The following MAD1L1 variants were observed in gnomAD, a reference collection of about 807,000 sequenced individuals.
The protein encoded by MAD1L1 is mitotic arrest deficient 1 like 1.
In MAD1L1, 95 loss-of-function variants were observed where a neutral mutation model predicts 96.9. That is an observed-to-expected ratio of 0.98 (90% CI 0.83 to 1.16). The LOEUF (loss-of-function observed/expected upper bound fraction) is 1.16, where lower values mean the gene tolerates loss of function less well. MAD1L1 is among the 50% of genes most tolerant of loss of function. The pLI, the probability that MAD1L1 is intolerant of heterozygous loss-of-function variation, is 0.00. For missense variants in MAD1L1, 1,007 were observed against 954.4 expected (o/e 1.06, Z -0.73); for synonymous variants, 473 against 396.6 (o/e 1.19, Z -2.29).
chr7:2,086,704 A>G (rs1785937430), intron 11 of MAD1L1, among the ~76,000 whole-genome samples: 1 of 152,152 alleles, frequency 6.6e-6, no homozygotes, highest in African/African-American at 2.4e-5. Context: ...GTTGCCTGCC[A>G]CCACACCCAG....
At chr7:1,830,504 T>C (rs1040744078) in intron 18 of MAD1L1, among the ~76,000 whole-genome samples, 6 of 152,254 alleles carry the variant, frequency 3.9e-5, no homozygotes, top group Non-Finnish European at 8.8e-5. Context: ...GGCAGACATA[T>C]ACAACATTTA....
At chr7:2,231,238 C>A (rs1012035459) in intron 1 of MAD1L1, among the ~76,000 whole-genome samples, 5 of 152,062 alleles carry the variant, frequency 3.3e-5, no homozygotes, top group African/African-American at 4.8e-5. Flanking sequence ...GCAGAGGTTG[C>A]AGTGACCTGA....
chr7:2,091,725 G>A (rs1463901703), intron 11 of MAD1L1, among the ~76,000 whole-genome samples: 3 of 150,528 alleles, frequency 2.0e-5, no homozygotes, highest in African/African-American at 7.3e-5. Flanking sequence ...GCAGTGAGCA[G>A]AGATCACGCC....
intron 10 of MAD1L1, among the ~76,000 whole-genome samples, chr7:2,178,864 T>G (rs1041648500): frequency 6.6e-6 from 1 of 151,090 alleles, no homozygotes; most frequent in African/African-American, 2.4e-5. Context: ...ATCACTGCAC[T>G]TCAGCCTAGG....
At position 1,978,637 on chromosome 7, in the gene MAD1L1, C is replaced by T. The variant is rs577086151; in HGVS notation, c.1505+1816G>A. On this transcript the variant is annotated intron_variant, in intron 15 of 18. Coordinates refer to ENST00000265854, the MANE Select transcript of MAD1L1 (RefSeq NM_001013836.2). ...CCACACCCACACTCACACACAGCCC[C>T]CAACCCCATCAACCCGAAGACCACA... 3.0e-4 allele frequency among the ~76,000 whole-genome samples: 46 copies of T among 152,302 alleles called. No homozygotes were observed. The South Asian group carries it at 9.5e-3, about 32-fold the overall frequency.
intron 11 of MAD1L1, among the ~76,000 whole-genome samples, chr7:2,097,408 G>A (rs1363028310): frequency 2.0e-5 from 3 of 152,138 alleles, no homozygotes; most frequent in African/African-American, 4.8e-5. Context: ...GGCCAGAGCC[G>A]GGACACCTGG....
intron 12 of MAD1L1, among the ~76,000 whole-genome samples, chr7:2,021,686 A>C (rs67408806): frequency 0.19 from 28,935 of 151,840 alleles, 5,457 homozygotes; most frequent in African/African-American, 0.48. Context: ...AATCGCTTGA[A>C]CCCAGGAAGT....
rs190698508 is a variant in MAD1L1 at position 2,039,646 on chromosome 7, T to G, written c.1219-25004A>C. Among the ~76,000 whole-genome samples the G allele has an allele frequency of 5.3e-4, 80 of 152,324 alleles. No homozygotes were observed. In the East Asian group the frequency reaches 0.013, roughly 24 times the overall value. On this transcript the variant is annotated intron_variant, in intron 12 of 18. Coordinates refer to ENST00000265854, the MANE Select transcript of MAD1L1 (RefSeq NM_001013836.2). ...CACGGGCTTAACTGTCATCTGTATA[T>G]GTTATTTGGTAAAAAGGTCTGTCTA...
At chr7:1,887,099 G>T (rs894170008) in intron 18 of MAD1L1, among the ~76,000 whole-genome samples, 2 of 152,256 alleles carry the variant, frequency 1.3e-5, no homozygotes, top group African/African-American at 4.8e-5. Context: ...CTCAGGCTAG[G>T]GGGGCTCCGG....
chr7:2,121,597 T>C (rs1295669495), intron 11 of MAD1L1, among the ~76,000 whole-genome samples: 1 of 152,122 alleles, frequency 6.6e-6, no homozygotes, highest in African/African-American at 2.4e-5. Flanking sequence ...GGGGCAGGAC[T>C]ATGCTGCAGA....
At chr7:1,960,246 AAAAG>A (rs1410940521) in intron 15 of MAD1L1, among the ~76,000 whole-genome samples, 3 of 144,310 alleles carry the variant, frequency 2.1e-5, no homozygotes, top group Non-Finnish European at 4.5e-5. Context: ...AAAAAAGGTA[AAAAG>A]AAAAAAAAAA....
chr7:2,111,414 T>C (rs1215318871), intron 11 of MAD1L1, among the ~76,000 whole-genome samples: 1 of 152,108 alleles, frequency 6.6e-6, no homozygotes, highest in African/African-American at 2.4e-5. Context: ...TCAAGGAGCG[T>C]GCCTCGGAAT....
chr7:1,932,131 G>A (rs866050557), intron 17 of MAD1L1, among the ~76,000 whole-genome samples: 3 of 152,180 alleles, frequency 2.0e-5, no homozygotes, highest in Non-Finnish European at 2.9e-5. Context: ...TCCAGCCCCC[G>A]CTGGAGGCTG....
At chr7:1,873,100 G>C (rs564180630) in intron 18 of MAD1L1, among the ~76,000 whole-genome samples, 58 of 152,364 alleles carry the variant, frequency 3.8e-4, no homozygotes, top group African/African-American at 1.4e-3. Context: ...GTGGAGGAGC[G>C]GGGAGGAGCC....
chr7:1,863,913 C>G (rs531013475), intron 18 of MAD1L1, among the ~76,000 whole-genome samples: 7 of 152,318 alleles, frequency 4.6e-5, no homozygotes, highest in Admixed American at 6.5e-5. Context: ...ATGGTGAAAC[C>G]CCGTCTCTAC....
chr7:2,150,626 C>G (rs1789527125), intron 10 of MAD1L1, among the ~76,000 whole-genome samples: 2 of 152,238 alleles, frequency 1.3e-5, no homozygotes, highest in African/African-American at 4.8e-5. Context: ...TGGAGGCCGC[C>G]TTGCCCAGCA....
chr7:2,065,010 T>C (rs1053932293), intron 12 of MAD1L1, among the ~76,000 whole-genome samples: 8 of 151,532 alleles, frequency 5.3e-5, no homozygotes, highest in East Asian at 2.0e-4. Flanking sequence ...TGGCTGATCA[T>C]AGGAGGACAG....
In MAD1L1 at chr7:2,222,743, G is replaced by T; in HGVS notation, c.303C>A (p.Asp101Glu). ...TSARNYEREV[D>E]RNQELLTRIR... The stretch of plus-strand genomic sequence containing the variant: ...TGCGCGTCAGGAGCTCCTGGTTGCG[G>T]TCGACCTCACGCTGTTAAGAGAGCA... The change falls in exon 5 of 19, where the codon GAC becomes GAA. Residue 101 changes from aspartate to glutamate, a missense_variant. Physicochemically the swap from Asp to Glu is conservative, Grantham distance 45. Transcript: ENST00000265854. 1 of 1,601,974 alleles carries T rather than the reference G, an allele frequency of 6.2e-7. No individual in the cohort carries two copies. The highest frequency in any genetic ancestry group is 8.5e-7 in the Non-Finnish European group (1 of 1,178,336).
At chr7:1,843,682 G>C (rs1265261419) in intron 18 of MAD1L1, among the ~76,000 whole-genome samples, 1 of 152,212 alleles carries the variant, frequency 6.6e-6, no homozygotes, top group Non-Finnish European at 1.5e-5. Context: ...GAGGAGACCT[G>C]AGCTGAAGAC....
Sources: allele counts gnomAD v4.1 joint callset (sites outside exome capture counted in the v4.1 genomes callset), GRCh38; gene constraint gnomAD v4.1.1; transcripts MANE v1.5; gene names NCBI Gene and HGNC (gene_info 2026-07-23, HGNC 2026-07-21).